The following CACNA2D3 variants were observed in gnomAD, a reference collection of about 807,000 sequenced individuals.
The protein encoded by CACNA2D3 is voltage-dependent calcium channel subunit alpha-2/delta-3.
CACNA2D3 carries 60 observed loss-of-function variants against 160.6 expected under a neutral mutation model. The ratio of observed to expected loss-of-function variants is 0.37; its 90% CI spans 0.30 to 0.46. CACNA2D3 has a LOEUF of 0.46. Among genes scored for constraint, CACNA2D3 ranks in the 20% least tolerant of loss-of-function variants. The pLI is 1.00. For synonymous variants in CACNA2D3, 558 were observed against 492.9 expected, an observed-to-expected ratio of 1.13 and a Z score of -1.75; for missense variants, 1,205 against 1,365.0, an observed-to-expected ratio of 0.88 and a Z score of 1.85.
At chr3:54,213,896 G>GAT (rs1342738848) in intron 2 of CACNA2D3, among the ~76,000 whole-genome samples, 1 of 152,204 alleles carries the variant, frequency 6.6e-6, no homozygotes, top group Non-Finnish European at 1.5e-5. Flanking sequence ...ACACCTTGCT[G>GAT]ATAGAGCCCA....
At chr3:55,003,870 A>G (rs1703034016) in intron 31 of CACNA2D3, among the ~76,000 whole-genome samples, 1 of 152,172 alleles carries the variant, frequency 6.6e-6, no homozygotes, top group Non-Finnish European at 1.5e-5. Flanking sequence ...AGATAAGGGA[A>G]CTTCAGAAAA....
chr3:54,653,537 G>C (rs1019128546), intron 11 of CACNA2D3, among the ~76,000 whole-genome samples: 16 of 152,206 alleles, frequency 1.1e-4, no homozygotes, highest in Admixed American at 2.0e-4. Context: ...GGCATTTTCA[G>C]TCACTGGGGT....
intron 12 of CACNA2D3, 63 bp from the exon 13 acceptor site, chr3:54,764,155 A>G (rs576682204): frequency 2.5e-6 from 4 of 1,582,754 alleles, no homozygotes; most frequent in Admixed American, 3.3e-5. Flanking sequence ...TGGCATATGC[A>G]TATTCCCAGT....
chr3:54,458,512 A>G (rs950461241), intron 4 of CACNA2D3, among the ~76,000 whole-genome samples: 11 of 150,576 alleles, frequency 7.3e-5, no homozygotes, highest in African/African-American at 2.7e-4. Flanking sequence ...CCTGGCCTGT[A>G]AGGTTTCTGC....
chr3:54,536,344 G>T (rs1575509199), intron 5 of CACNA2D3, among the ~76,000 whole-genome samples: 1 of 152,184 alleles, frequency 6.6e-6, no homozygotes, highest in South Asian at 2.1e-4. Context: ...TGGATTTTAT[G>T]CTGTGAACAT....
At chr3:54,265,594 A>AGT (rs1437355677) in intron 2 of CACNA2D3, among the ~76,000 whole-genome samples, 1 of 148,496 alleles carries the variant, frequency 6.7e-6, no homozygotes, top group African/African-American at 2.5e-5. Flanking sequence ...ATATATATAT[A>AGT]GTGTGTATAT....
chr3:54,672,362 C>T (rs942244285), intron 11 of CACNA2D3, among the ~76,000 whole-genome samples: 1 of 152,188 alleles, frequency 6.6e-6, no homozygotes, highest in Non-Finnish European at 1.5e-5. Flanking sequence ...GCCAGAGGGT[C>T]TGAGTTCAGT....
At chr3:54,349,345 C>T (rs1040704220) in intron 3 of CACNA2D3, among the ~76,000 whole-genome samples, 2 of 152,110 alleles carry the variant, frequency 1.3e-5, no homozygotes, top group Admixed American at 6.5e-5. Context: ...CTGAACGTTG[C>T]GCTTTCTCAT....
Position 54,825,094 on chromosome 3 carries a change from T to G in CACNA2D3, c.1398+8224T>G, listed in dbSNP as rs544001089. Reference sequence around the variant, plus strand: ...ATCAAGCACAGTTATAAAATATGACTCTTTTAAGGTGCTAAAACAATACAA... The same window carrying G: ...ATCAAGCACAGTTATAAAATATGACGCTTTTAAGGTGCTAAAACAATACAA... On this transcript the variant is annotated intron_variant, in intron 14 of 37. Transcript: ENST00000474759. 4.6e-4 allele frequency among the ~76,000 whole-genome samples: 70 copies of G among 152,308 alleles called. 1 individual carries two copies. The South Asian group carries it at 6.8e-3, about 15-fold the overall frequency.
At chr3:54,909,270 C>T (rs1204406111) in intron 27 of CACNA2D3, among the ~76,000 whole-genome samples, 11 of 151,854 alleles carry the variant, frequency 7.2e-5, no homozygotes, top group Admixed American at 7.2e-4. Context: ...CTTGGTAGAA[C>T]ATTGAAAATG....
intron 11 of CACNA2D3, among the ~76,000 whole-genome samples, chr3:54,686,289 C>T (rs1700447690): frequency 6.6e-6 from 1 of 152,154 alleles, no homozygotes; most frequent in African/African-American, 2.4e-5. Context: ...CGCACAAAGC[C>T]TAAAATATTT....
At chr3:54,243,364 C>T (rs1033870383) in intron 2 of CACNA2D3, among the ~76,000 whole-genome samples, 2 of 152,208 alleles carry the variant, frequency 1.3e-5, no homozygotes, top group African/African-American at 2.4e-5. Context: ...TGTAAATTCA[C>T]ATGTTTCCAA....
chr3:54,660,544 C>A (rs1005224799), intron 11 of CACNA2D3, among the ~76,000 whole-genome samples: 2 of 152,196 alleles, frequency 1.3e-5, no homozygotes, highest in African/African-American at 4.8e-5. Context: ...TTTGGGAAAT[C>A]CTGTATTCTC....
At position 54,136,399 on chromosome 3, in the gene CACNA2D3, T is replaced by C. The variant is rs1285938390; in HGVS notation, c.204+12805T>C. Among the ~76,000 whole-genome samples, 3 of 152,256 alleles carry C rather than the reference T, an allele frequency of 2.0e-5. No homozygotes were observed. In the East Asian group the frequency reaches 5.8e-4, roughly 29 times the overall value. ...GGTAGAATATCATGGTTTAGGGGAA[T>C]CTTTAGCAATCTTAACAGATTCCCA... is the stretch of plus-strand genomic sequence containing the variant. On this transcript the variant is annotated intron_variant, in intron 2 of 37. Coordinates refer to ENST00000474759, the MANE Select transcript of CACNA2D3 (RefSeq NM_018398.3).
intron 2 of CACNA2D3, among the ~76,000 whole-genome samples, chr3:54,204,007 C>G (rs562183418): frequency 6.6e-6 from 1 of 151,986 alleles, no homozygotes; most frequent in Non-Finnish European, 1.5e-5. Flanking sequence ...CTGTGCACTT[C>G]CTGCCTGCTC....
At chr3:54,130,552 A>G (rs1285406644) in intron 2 of CACNA2D3, among the ~76,000 whole-genome samples, 1 of 150,450 alleles carries the variant, frequency 6.6e-6, no homozygotes, top group Non-Finnish European at 1.5e-5. Context: ...TACTTATGAC[A>G]TCCCATTAAA....
In CACNA2D3 at chr3:54,554,870, CTTTTTTTT is replaced by C. The variant is rs66526065; in HGVS notation, c.545-7916_545-7909del. On this transcript the variant is annotated intron_variant, in intron 5 of 37. Coordinates refer to ENST00000474759, the MANE Select transcript of CACNA2D3 (RefSeq NM_018398.3). ...TTTCTTTTCTTTTCTCTCTCACTCT[CTTTTTTTT>C]TTTTTTTTTTTTTGGAGACAAGGTC... Among the ~76,000 whole-genome samples the C allele has an allele frequency of 3.0e-3, 289 of 96,140 alleles. 4 individuals carry two copies. Among genetic ancestry groups the C allele is most frequent in the African/African-American group, 0.012 (281 of 23,624 alleles). 63.1% of individuals were successfully genotyped at this position (96,140 alleles called of 152,430 possible).
intron 11 of CACNA2D3, among the ~76,000 whole-genome samples, chr3:54,661,178 C>G (rs1699963245): frequency 6.6e-6 from 1 of 152,208 alleles, no homozygotes; most frequent in African/African-American, 2.4e-5. Context: ...GCACTTGGAT[C>G]TGGAGAGGGT....
At chr3:54,130,048 C>T (rs1699677688) in intron 2 of CACNA2D3, among the ~76,000 whole-genome samples, 1 of 152,196 alleles carries the variant, frequency 6.6e-6, no homozygotes, top group African/African-American at 2.4e-5. Flanking sequence ...AATCTGAGGA[C>T]TTGCTGAGAT....
Sources: allele counts gnomAD v4.1 joint callset (sites outside exome capture counted in the v4.1 genomes callset), GRCh38; gene constraint gnomAD v4.1.1; transcripts MANE v1.5; gene names NCBI Gene and HGNC (gene_info 2026-07-23, HGNC 2026-07-21).